Variants in MMP16 observed in about 807,000 individuals in gnomAD.
MMP16 encodes matrix metallopeptidase 16, also known as matrix metalloproteinase-16.
Under a neutral mutation model 67.8 loss-of-function variants are expected in MMP16, and 12 were observed. That is an observed-to-expected ratio of 0.18 (90% CI 0.11 to 0.29). The LOEUF (loss-of-function observed/expected upper bound fraction) is 0.29, where lower values mean the gene tolerates loss of function less well. MMP16 is among the 10% of genes least tolerant of loss of function. The pLI is 1.00. For synonymous variants in MMP16, 249 were observed against 255.9 expected (o/e 0.97, Z 0.26); for missense variants, 475 against 765.7 (o/e 0.62, Z 4.48).
At position 88,184,678 on chromosome 8, in the gene MMP16, C is replaced by A. The variant is rs1198736047; in HGVS notation, c.404+1798G>T. On this transcript the variant is annotated intron_variant, in intron 3 of 9. Transcript: ENST00000286614. ...AGGAGGATCCCTTGAGCCTGGGAGG[C>A]AGAGTTTGTAGTGAGCCAAGATCGC... Among the ~76,000 whole-genome samples, 22 of 130,164 alleles carry A rather than the reference C, an allele frequency of 1.7e-4. No individual in the cohort carries two copies. In the Admixed American group the frequency reaches 2.0e-3, roughly 12 times the overall value. The allele number at this position is 130,164 out of a possible 152,430, so 85.4% of individuals were successfully genotyped here.
At chr8:88,282,870 T>TTTTTAA (rs1563583271) in intron 1 of MMP16, among the ~76,000 whole-genome samples, 2 of 152,196 alleles carry the variant, frequency 1.3e-5, no homozygotes, top group Admixed American at 6.5e-5. Flanking sequence ...AACATGTGTT[T>TTTTTAA]CACTTGGTTC....
At chr8:88,057,197 T>C (rs1295263942) in intron 7 of MMP16, among the ~76,000 whole-genome samples, 1 of 152,166 alleles carries the variant, frequency 6.6e-6, no homozygotes, top group Non-Finnish European at 1.5e-5. Context: ...TCTTTTGTTT[T>C]GTTTGTTCTC....
At chr8:88,284,913 T>C (rs934036956) in intron 1 of MMP16, among the ~76,000 whole-genome samples, 6 of 151,796 alleles carry the variant, frequency 4.0e-5, no homozygotes, top group Non-Finnish European at 7.4e-5. Flanking sequence ...TTCCTACTTA[T>C]CCTTGAGGCA....
At chr8:88,279,233 A>G (rs1810695013) in intron 1 of MMP16, among the ~76,000 whole-genome samples, 1 of 152,050 alleles carries the variant, frequency 6.6e-6, no homozygotes, top group Non-Finnish European at 1.5e-5. Context: ...AAAAAAAAAA[A>G]AAGAAGCAAT....
intron 4 of MMP16, among the ~76,000 whole-genome samples, chr8:88,145,607 A>T (rs1480938883): frequency 1.3e-5 from 2 of 152,008 alleles, no homozygotes; most frequent in Non-Finnish European, 2.9e-5. Context: ...ATTTTAAATT[A>T]TAGGCATACT....
intron 9 of MMP16, among the ~76,000 whole-genome samples, chr8:88,043,974 C>G (rs909495016): frequency 6.6e-6 from 1 of 152,142 alleles, no homozygotes; most frequent in African/African-American, 2.4e-5. Context: ...AAACCAACAG[C>G]TGGATGTGTC....
In MMP16 at chr8:88,059,659, C is replaced by T. The variant is rs547210103; in HGVS notation, c.1223-3381G>A. Among the ~76,000 whole-genome samples, 22 of 152,122 alleles carry T rather than the reference C, an allele frequency of 1.4e-4. No individual in the cohort carries two copies. In the East Asian group the frequency reaches 4.3e-3, roughly 30 times the overall value. ...GAAGGCTGTTCTTTTTACCAATGGT[C>T]CTTTATATCATCCCTTCCATCGTCC... is the stretch of plus-strand genomic sequence containing the variant. On this transcript the variant is annotated intron_variant, in intron 7 of 9. Transcript: ENST00000286614.
intron 4 of MMP16, among the ~76,000 whole-genome samples, chr8:88,122,283 T>C (rs1807852823): frequency 6.6e-6 from 1 of 152,040 alleles, no homozygotes; most frequent in Non-Finnish European, 1.5e-5. Context: ...ATATATCTTC[T>C]ATCTTGCCTC....
chr8:88,078,054 C>G (rs1346182100), intron 6 of MMP16, among the ~76,000 whole-genome samples: 1 of 151,938 alleles, frequency 6.6e-6, no homozygotes, highest in Admixed American at 6.6e-5. Context: ...CTTCCTTCCT[C>G]CTTCCCTCTC....
At chr8:88,246,571 C>T (rs1001555322) in intron 1 of MMP16, among the ~76,000 whole-genome samples, 1 of 152,054 alleles carries the variant, frequency 6.6e-6, no homozygotes, top group Non-Finnish European at 1.5e-5. Flanking sequence ...TAAATACTAC[C>T]CAGCCCAACT....
At chr8:88,122,302 G>A (rs1807853111) in intron 4 of MMP16, among the ~76,000 whole-genome samples, 1 of 151,616 alleles carries the variant, frequency 6.6e-6, no homozygotes, top group Non-Finnish European at 1.5e-5. Context: ...TCTGTCAATT[G>A]TGCAAGATCT....
intron 1 of MMP16, among the ~76,000 whole-genome samples, chr8:88,284,662 C>G (rs890057397): frequency 6.6e-5 from 10 of 152,114 alleles, no homozygotes; most frequent in African/African-American, 2.4e-4. Context: ...GCTAGAAGAA[C>G]GCTGCTAAGT....
chr8:88,072,318 T>C (rs1450670260), intron 7 of MMP16, among the ~76,000 whole-genome samples: 1 of 152,064 alleles, frequency 6.6e-6, no homozygotes, highest in Non-Finnish European at 1.5e-5. Flanking sequence ...CTGCCAGTCA[T>C]GAGGTAGAGT....
intron 1 of MMP16, among the ~76,000 whole-genome samples, chr8:88,300,811 A>G (rs1262483794): frequency 6.6e-6 from 1 of 152,134 alleles, no homozygotes; most frequent in Admixed American, 6.5e-5. Context: ...AGCCTCCAAG[A>G]TTGAGGAAAG....
intron 1 of MMP16, 167 bp downstream of exon 1, chr8:88,326,908 C>A (rs1449512897): frequency 2.7e-6 from 2 of 729,372 alleles, no homozygotes; most frequent in Admixed American, 2.8e-5. Flanking sequence ...TCACACGCAT[C>A]CGTCACCTAA....
chr8:88,170,269 TGTTA>T (rs1808778254), intron 3 of MMP16, among the ~76,000 whole-genome samples: 1 of 152,212 alleles, frequency 6.6e-6, no homozygotes, highest in Non-Finnish European at 1.5e-5. Flanking sequence ...GCTATTGTTT[TGTTA>T]GTTTGTTTTA....
At chr8:88,057,632 CA>C (rs1563519464) in intron 7 of MMP16, among the ~76,000 whole-genome samples, 1 of 152,114 alleles carries the variant, frequency 6.6e-6, no homozygotes, top group Admixed American at 6.6e-5. Context: ...TAAGGGTCTT[CA>C]AAAAATTTTA....
intron 9 of MMP16, among the ~76,000 whole-genome samples, chr8:88,046,211 G>T (rs1006490414): frequency 6.6e-6 from 1 of 152,074 alleles, no homozygotes; most frequent in African/African-American, 2.4e-5. Flanking sequence ...ACCATATTGA[G>T]CTGGAATCTT....
chr8:88,178,527 T>C (rs868677890), intron 3 of MMP16, among the ~76,000 whole-genome samples: 1 of 152,154 alleles, frequency 6.6e-6, no homozygotes, highest in African/African-American at 2.4e-5. Context: ...AATTTTTATA[T>C]AGTTGTTTAA....
Sources: gnomAD v4.1 joint callset for allele counts (sites outside exome capture counted in the v4.1 genomes callset) on GRCh38, gnomAD v4.1.1 for gene constraint, MANE v1.5 for transcripts, NCBI Gene and HGNC (gene_info 2026-07-23, HGNC 2026-07-21) for gene names.